Variants in RETREG1 observed in about 807,000 individuals in gnomAD.
RETREG1 encodes reticulophagy regulator 1.
Under a neutral mutation model 54.8 loss-of-function variants are expected in RETREG1, and 44 were observed. That is an observed-to-expected ratio of 0.80 (90% CI 0.63 to 1.03). RETREG1 has a LOEUF of 1.03. Ranked by LOEUF, RETREG1 falls within the 50% of genes least tolerant of loss-of-function variation. RETREG1 has a pLI of 0.00. For missense variants in RETREG1, 554 were observed against 605.1 expected (o/e 0.92, Z 0.89); for synonymous variants, 217 against 238.5 (o/e 0.91, Z 0.83).
chr5:16,539,662 T>C (rs980849915), intron 3 of RETREG1, among the ~76,000 whole-genome samples: 38 of 152,266 alleles, frequency 2.5e-4, no homozygotes, highest in Admixed American at 2.0e-4. Context: ...GAAAGCCAAC[T>C]GTCCCGGTAC....
intron 3 of RETREG1, among the ~76,000 whole-genome samples, chr5:16,564,802 G>A (rs1211185713): frequency 6.6e-6 from 1 of 152,184 alleles, no homozygotes; most frequent in Non-Finnish European, 1.5e-5. Context: ...GAACAAGCAA[G>A]CAGTTGTAAA....
At chr5:16,568,529 T>A (rs943450039) in intron 2 of RETREG1, among the ~76,000 whole-genome samples, 8 of 152,184 alleles carry the variant, frequency 5.3e-5, no homozygotes, top group African/African-American at 1.9e-4. Flanking sequence ...TGCCTCGGCC[T>A]TCCAAAGTGC....
intron 3 of RETREG1, among the ~76,000 whole-genome samples, chr5:16,548,836 A>G (rs1049307124): frequency 2.6e-5 from 4 of 152,242 alleles, no homozygotes; most frequent in Non-Finnish European, 4.4e-5. Context: ...CGTGAGCAGG[A>G]CTGCTTAGCA....
At chr5:16,500,222 G>A (rs531577868) in intron 3 of RETREG1, among the ~76,000 whole-genome samples, 11 of 152,306 alleles carry the variant, frequency 7.2e-5, no homozygotes, top group South Asian at 4.1e-4. Context: ...CTACACCACC[G>A]TTGCCCAACT....
chr5:16,522,121 C>T (rs1028751271), intron 3 of RETREG1, among the ~76,000 whole-genome samples: 5 of 152,216 alleles, frequency 3.3e-5, no homozygotes, highest in Middle Eastern at 3.4e-3. Flanking sequence ...TCTGGACCAC[C>T]ACCCTGTGGT....
chr5:16,565,932 G>T, intron 2 of RETREG1, 139 bp from the exon 3 acceptor site: 1 of 889,666 alleles, frequency 1.1e-6, no homozygotes, highest in Non-Finnish European at 1.8e-6. Context: ...AAGTCATACA[G>T]TGTACACTGC....
At chr5:16,508,352 C>T (rs1740044583) in intron 3 of RETREG1, among the ~76,000 whole-genome samples, 1 of 152,108 alleles carries the variant, frequency 6.6e-6, no homozygotes, top group South Asian at 2.1e-4. Flanking sequence ...CTTTCTGATT[C>T]AAGAAAAGCA....
chr5:16,613,034 TAATA>T lies in RETREG1; in HGVS notation c.320+3614_320+3617del, dbSNP rs1743391827. On this transcript the variant is annotated intron_variant, in intron 1 of 8. Transcript: ENST00000306320. The stretch of plus-strand genomic sequence containing the variant: ...CATTGTTATATGGTATCACAATTTA[TAATA>T]AATAAATGAACCACAGTGTACTTAT... Among the ~76,000 whole-genome samples, 3 of 152,316 alleles carry T rather than the reference TAATA, an allele frequency of 2.0e-5. No homozygotes were observed. The South Asian group carries it at 6.2e-4, about 32-fold the overall frequency.
At chr5:16,501,681 T>A (rs1482516903) in intron 3 of RETREG1, among the ~76,000 whole-genome samples, 1 of 151,940 alleles carries the variant, frequency 6.6e-6, no homozygotes, top group Non-Finnish European at 1.5e-5. Context: ...TATCTGGGAC[T>A]ACAGGCATGT....
At chr5:16,588,956 GATCAAGTGCCCTTT>G (rs1742686524) in intron 1 of RETREG1, among the ~76,000 whole-genome samples, 1 of 152,206 alleles carries the variant, frequency 6.6e-6, no homozygotes, top group African/African-American at 2.4e-5. Flanking sequence ...TGAAGGTCAG[GATCAAGTGCCCTTT>G]ATCAATAGAG....
At chr5:16,548,701 C>T (rs1050883170) in intron 3 of RETREG1, among the ~76,000 whole-genome samples, 6 of 152,220 alleles carry the variant, frequency 3.9e-5, no homozygotes, top group African/African-American at 9.6e-5. Context: ...CTTGAGAATA[C>T]TGTTATAACC....
Position 16,477,762 on chromosome 5 carries a change from C to T in RETREG1, c.900G>A (p.Glu300=), listed in dbSNP as rs368710242. 2 of 1,613,310 alleles carry T rather than the reference C, an allele frequency of 1.2e-6. No individual in the cohort carries two copies. Among genetic ancestry groups the T allele is most frequent in the Non-Finnish European group, 1.7e-6 (2 of 1,179,592 alleles). Residue 300 remains glutamate (E), a synonymous_variant, in exon 8 of 9, where the codon GAG becomes GAA. Coordinates refer to ENST00000306320, the MANE Select transcript of RETREG1 (RefSeq NM_001034850.3). ...PKISLTVAAK[E]LSVSDTDVSE... ...AGACGTCTGTGTCAGACACAGATAA[C>T]TCTTTGGCAGCAACCGTGAGGCTAA...
At chr5:16,591,135 T>G (rs1742762704) in intron 1 of RETREG1, among the ~76,000 whole-genome samples, 1 of 152,152 alleles carries the variant, frequency 6.6e-6, no homozygotes, top group Non-Finnish European at 1.5e-5. Flanking sequence ...AGGCTGAAGT[T>G]TAGCCCAAAA....
chr5:16,582,393 AT>A (rs11322422), intron 1 of RETREG1, among the ~76,000 whole-genome samples: 30,083 of 147,956 alleles, frequency 0.2, 3,617 homozygotes, highest in African/African-American at 0.35. Context: ...TATTTCTCCT[AT>A]TTTTTTTTTC....
chr5:16,490,388 T>G (rs941057033), intron 3 of RETREG1, among the ~76,000 whole-genome samples: 1 of 152,220 alleles, frequency 6.6e-6, no homozygotes, highest in African/African-American at 2.4e-5. Flanking sequence ...CAGATTACTA[T>G]GACAGTTTTA....
intron 1 of RETREG1, among the ~76,000 whole-genome samples, chr5:16,572,951 G>A (rs1242063572): frequency 1.3e-5 from 2 of 151,998 alleles, no homozygotes; most frequent in African/African-American, 2.4e-5. Flanking sequence ...TTGGGAGGCC[G>A]AGGCAGGCGG....
chr5:16,610,288 T>C lies in RETREG1; in HGVS notation c.320+6364A>G, dbSNP rs1234536758. On this transcript the variant is annotated intron_variant, in intron 1 of 8. Coordinates refer to ENST00000306320, the MANE Select transcript of RETREG1 (RefSeq NM_001034850.3). ...CCAGGTCTCCCGCCAGGGGTGCCCC[T>C]GCGTGGACACCTCAGGCAAATCACT... 3.5e-4 allele frequency among the ~76,000 whole-genome samples: 54 copies of C among 152,204 alleles called. 1 individual carries two copies. Among genetic ancestry groups the C allele is most frequent in the Admixed American group, 3.5e-3 (54 of 15,280 alleles).
At chr5:16,550,464 A>G (rs529430713) in intron 3 of RETREG1, among the ~76,000 whole-genome samples, 4 of 152,146 alleles carry the variant, frequency 2.6e-5, no homozygotes, top group Non-Finnish European at 4.4e-5. Context: ...ATATTTATGG[A>G]TGATGAGCCA....
chr5:16,535,686 T>C (rs1203165175), intron 3 of RETREG1, among the ~76,000 whole-genome samples: 2 of 107,298 alleles, frequency 1.9e-5, no homozygotes, highest in Non-Finnish European at 1.8e-5. Context: ...GGGGTTCCTG[T>C]GTGCACGCTG....
Sources: gnomAD v4.1 joint callset for allele counts (sites outside exome capture counted in the v4.1 genomes callset) on GRCh38, gnomAD v4.1.1 for gene constraint, MANE v1.5 for transcripts, NCBI Gene and HGNC (gene_info 2026-07-23, HGNC 2026-07-21) for gene names.